Variants in NFKB1 observed in about 807,000 individuals in gnomAD.
NFKB1 encodes nuclear factor kappa B subunit 1.
A neutral mutation model predicts 105.1 loss-of-function variants in NFKB1; 9 were observed. The ratio of observed to expected loss-of-function variants is 0.09; its 90% CI spans 0.05 to 0.15. The LOEUF (loss-of-function observed/expected upper bound fraction) is 0.15, where lower values mean the gene tolerates loss of function less well. Among genes scored for constraint, NFKB1 ranks in the 10% least tolerant of loss-of-function variants. The probability of loss-of-function intolerance (pLI) is 1.00; values close to 1 mark genes in which losing one functional copy is unlikely to be tolerated. For synonymous variants in NFKB1, 440 were observed against 442.2 expected (o/e 1.00, Z 0.06); for missense variants, 830 against 1,203.7 (o/e 0.69, Z 4.59).
intron 10 of NFKB1, among the ~76,000 whole-genome samples, chr4:102,583,892 A>G (rs909301394): frequency 3.9e-5 from 6 of 152,022 alleles, no homozygotes; most frequent in African/African-American, 1.5e-4. Context: ...TAGTTATTCA[A>G]AAGAATGAGT....
chr4:102,565,826 T>G (rs1426659607), intron 5 of NFKB1, among the ~76,000 whole-genome samples: 1 of 152,138 alleles, frequency 6.6e-6, no homozygotes, highest in Non-Finnish European at 1.5e-5. Flanking sequence ...TTGAGAGATT[T>G]GGGGCTTAGG....
At chr4:102,607,577 C>A in intron 18 of NFKB1, 72 bp from the exon 19 acceptor site, 1 of 1,466,832 alleles carries the variant, frequency 6.8e-7, no homozygotes, top group Non-Finnish European at 9.5e-7. Context: ...AGGAGCCATG[C>A]ACACTGGGAG....
intron 11 of NFKB1, among the ~76,000 whole-genome samples, chr4:102,586,728 A>T (rs917450429): frequency 6.6e-6 from 1 of 152,102 alleles, no homozygotes; most frequent in African/African-American, 2.4e-5. Context: ...AAAATTAGAA[A>T]CCCCTCAGTT....
intron 19 of NFKB1, 75 bp downstream of exon 19, chr4:102,607,826 T>C: frequency 2.3e-6 from 3 of 1,291,594 alleles, no homozygotes; most frequent in Non-Finnish European, 1.1e-6. Flanking sequence ...AGAGCAGTCA[T>C]GTTGCCTTCT....
chr4:102,586,442 C>G (rs1447831232), intron 11 of NFKB1, among the ~76,000 whole-genome samples: 1 of 152,038 alleles, frequency 6.6e-6, no homozygotes, highest in Non-Finnish European at 1.5e-5. Flanking sequence ...GTAGGCAGAT[C>G]AAAAGGCAGA....
intron 5 of NFKB1, among the ~76,000 whole-genome samples, chr4:102,544,591 T>TGTAA (rs1578743967): frequency 6.6e-6 from 1 of 152,176 alleles, no homozygotes; most frequent in East Asian, 1.9e-4. Context: ...CCCTCCCATA[T>TGTAA]GTAACCACAA....
intron 5 of NFKB1, among the ~76,000 whole-genome samples, chr4:102,546,975 C>T (rs958950264): frequency 6.6e-6 from 1 of 152,100 alleles, no homozygotes; most frequent in African/African-American, 2.4e-5. Context: ...GAAGTTGTTC[C>T]ACATTGGGGA....
chr4:102,575,695 A>G (rs1008268368), intron 6 of NFKB1, among the ~76,000 whole-genome samples: 1 of 152,178 alleles, frequency 6.6e-6, no homozygotes, highest in African/African-American at 2.4e-5. Context: ...CTCAGTTGTC[A>G]TCTTTTTACT....
chr4:102,616,629 G>A lies in NFKB1; in HGVS notation c.*35G>A, dbSNP rs747763124. ...AATTTCCCACACCGTGTAAACCAAA[G>A]CCCTAAAATTCCACTGCGTTGTCCA... On this transcript the variant is annotated 3_prime_UTR_variant, in exon 24 of 24. Coordinates refer to ENST00000226574, the MANE Select transcript of NFKB1 (RefSeq NM_003998.4). 8.7e-6 allele frequency: 14 copies of A among 1,603,480 alleles called. 1 individual carries two copies. In the South Asian group the frequency reaches 1.1e-4, roughly 13 times the overall value.
Position 102,584,548 on chromosome 4 carries a change from G to A in NFKB1, c.928-134G>A, listed in dbSNP as rs372662707. On this transcript the variant is annotated intron_variant, in intron 10 of 23. Transcript: ENST00000226574. ...GAGTTTGGAACTTTCTCCAGGACAC[G>A]GTGTTTTTTAGTACACTGTGTCTAA... The A allele has an allele frequency of 1.1e-3, 819 of 753,190 alleles. 1 individual carries two copies. The highest frequency in any genetic ancestry group is 1.5e-3 in the Non-Finnish European group (757 of 510,438). 46.7% of individuals were successfully genotyped at this position (753,190 alleles called of 1,614,324 possible). A position where few individuals can be genotyped will look rare whatever the true frequency, so the allele number is the denominator to read the frequency against.
intron 5 of NFKB1, 89 bp downstream of exon 5, chr4:102,538,045 T>C (rs761098094): frequency 8.4e-5 from 67 of 797,130 alleles, no homozygotes; most frequent in Non-Finnish European, 1.4e-4. Context: ...TGAGTACGGG[T>C]TGCCTTCGCT....
chr4:102,513,750 T>C (rs181753391), intron 1 of NFKB1, among the ~76,000 whole-genome samples: 1 of 152,350 alleles, frequency 6.6e-6, no homozygotes, highest in Non-Finnish European at 1.5e-5. Flanking sequence ...ATCACTGGTT[T>C]CTGATTTAAT....
chr4:102,588,735 A>T (rs1179685444), intron 11 of NFKB1, among the ~76,000 whole-genome samples: 1 of 152,212 alleles, frequency 6.6e-6, no homozygotes, highest in Non-Finnish European at 1.5e-5. Flanking sequence ...TTATTATTAT[A>T]CAAAGCTATT....
At chr4:102,600,627 A>G (rs1209479105) in intron 15 of NFKB1, among the ~76,000 whole-genome samples, 3 of 152,238 alleles carry the variant, frequency 2.0e-5, no homozygotes, top group Admixed American at 6.5e-5. Flanking sequence ...GTGTTTATAC[A>G]TCAAGGGGTC....
intron 5 of NFKB1, among the ~76,000 whole-genome samples, chr4:102,553,828 A>G (rs867610568): frequency 4.0e-4 from 61 of 152,316 alleles, no homozygotes; most frequent in South Asian, 1.2e-3. Flanking sequence ...TTTGCCTAAC[A>G]TGAAGGTTTT....
chr4:102,584,866 T>G (rs763046732), intron 11 of NFKB1, 46 bp downstream of exon 11: 1 of 1,535,092 alleles, frequency 6.5e-7, no homozygotes, highest in South Asian at 1.2e-5. Context: ...TATTTTATTT[T>G]ATTTTTGGTT....
At chr4:102,568,060 G>A (rs1310651063) in intron 6 of NFKB1, among the ~76,000 whole-genome samples, 1 of 152,126 alleles carries the variant, frequency 6.6e-6, no homozygotes, top group Admixed American at 6.6e-5. Context: ...CAGTTAATCT[G>A]GCTTATTCAC....
intron 5 of NFKB1, among the ~76,000 whole-genome samples, chr4:102,557,852 G>A (rs1047180541): frequency 6.6e-6 from 1 of 152,004 alleles, no homozygotes; most frequent in Non-Finnish European, 1.5e-5. Flanking sequence ...CTCACAGCTG[G>A]CAGAATTCCT....
intron 1 of NFKB1, among the ~76,000 whole-genome samples, chr4:102,511,411 A>G (rs1739772932): frequency 6.6e-6 from 1 of 152,238 alleles, no homozygotes; most frequent in South Asian, 2.1e-4. Context: ...GTAGTGGCTC[A>G]TATCTGTAAT....
Sources: gnomAD v4.1 joint callset for allele counts (sites outside exome capture counted in the v4.1 genomes callset) on GRCh38, gnomAD v4.1.1 for gene constraint, MANE v1.5 for transcripts, NCBI Gene and HGNC (gene_info 2026-07-23, HGNC 2026-07-21) for gene names.